TMEM260: variants seen among roughly 807,000 people sequenced by gnomAD.
The protein encoded by TMEM260 is transmembrane protein 260.
A neutral mutation model predicts 88.9 loss-of-function variants in TMEM260; 82 were observed. The observed-to-expected ratio is 0.92, with a 90% CI of 0.77 to 1.11. TMEM260 has a LOEUF of 1.11. Among genes scored for constraint, TMEM260 ranks in the 50% least tolerant of loss-of-function variants. The pLI, the probability that TMEM260 is intolerant of heterozygous loss-of-function variation, is 0.00. For missense variants in TMEM260, 902 were observed against 853.4 expected, an observed-to-expected ratio of 1.06 and a Z score of -0.71; for synonymous variants, 314 against 309.3, an observed-to-expected ratio of 1.02 and a Z score of -0.16.
the TMEM260 span, among the ~76,000 whole-genome samples, chr14:56,661,534 A>AGGAGGGAG: frequency 3.0e-4 from 32 of 107,876 alleles, no homozygotes; most frequent in African/African-American, 9.6e-4. Flanking sequence ...GAAGGAGGAA[A>AGGAGGGAG]GGAGGGAGGG....
intron 4 of TMEM260, 135 bp downstream of exon 4, chr14:56,604,127 A>G (rs1006851157): frequency 6.1e-6 from 5 of 824,570 alleles, no homozygotes; most frequent in Non-Finnish European, 8.6e-6. Flanking sequence ...TGAGAGAGAA[A>G]ATGATCTCAG....
intron 3 of TMEM260, among the ~76,000 whole-genome samples, chr14:56,597,033 G>A (rs377086563): frequency 2.6e-4 from 39 of 152,048 alleles, no homozygotes; most frequent in African/African-American, 8.9e-4. Flanking sequence ...AATTGGATGA[G>A]AACCTAGAGA....
At chr14:56,614,906 A>G (rs1455476303) in intron 7 of TMEM260, among the ~76,000 whole-genome samples, 1 of 152,264 alleles carries the variant, frequency 6.6e-6, no homozygotes, top group East Asian at 1.9e-4. Flanking sequence ...ACCCTTTTCC[A>G]GTCAAGCAAA....
intron 12 of TMEM260, among the ~76,000 whole-genome samples, chr14:56,631,494 G>A (rs563522431): frequency 2.6e-4 from 40 of 152,122 alleles, no homozygotes; most frequent in South Asian, 6.2e-4. Context: ...ATGGTGGTGC[G>A]TGCCTGTAAT....
Position 56,640,927 on chromosome 14 carries a change from C to T in TMEM260, c.1869+4329C>T, listed in dbSNP as rs557330943. Among the ~76,000 whole-genome samples the T allele has an allele frequency of 1.1e-4, 17 of 151,792 alleles. No homozygotes were observed. The South Asian group carries it at 2.1e-3, about 19-fold the overall frequency. ...GGACAATGAAATGAATGAAATGCAGCGAGAAGTTTAGAGAAAAAAGAATAA... is the reference window on the plus strand; with the variant it reads ...GGACAATGAAATGAATGAAATGCAGTGAGAAGTTTAGAGAAAAAAGAATAA... On this transcript the variant is annotated intron_variant, in intron 15 of 15. Transcript: ENST00000261556.
At chr14:56,586,021 A>T in intron 3 of TMEM260, 109 bp downstream of exon 3, 2 of 1,116,482 alleles carry the variant, frequency 1.8e-6, no homozygotes, top group Non-Finnish European at 2.5e-6. Flanking sequence ...TTTCCCTAAC[A>T]CATGTGATTT....
At chr14:56,582,901 G>GAA (rs1885230648) in intron 1 of TMEM260, among the ~76,000 whole-genome samples, 1 of 151,066 alleles carries the variant, frequency 6.6e-6, no homozygotes, top group Admixed American at 6.7e-5. Flanking sequence ...TTTAACATTT[G>GAA]ATAAGAATTG....
the TMEM260 span, among the ~76,000 whole-genome samples, chr14:56,657,768 A>G: frequency 6.6e-6 from 1 of 152,208 alleles, no homozygotes; most frequent in Non-Finnish European, 1.5e-5. Context: ...TTCTTGGGCT[A>G]TCTGGAGCTT....
chr14:56,625,484 G>A lies in TMEM260; in HGVS notation c.1501G>A (p.Gly501Arg). The part of the protein sequence containing the change: ...WNPVEGILPS[G>R]MVTFNLYHFL... Reference sequence around the variant, plus strand: ...TCCTGTGGAAGGAATATTACCTAGTGGAATGGTCACATTTAATCTTTATCA... The same window carrying A: ...TCCTGTGGAAGGAATATTACCTAGTAGAATGGTCACATTTAATCTTTATCA... Residue 501 changes from glycine (G) to arginine (R), a missense_variant, in exon 12 of 16, where the codon GGA becomes AGA. Coordinates refer to ENST00000261556, the MANE Select transcript of TMEM260 (RefSeq NM_017799.4). 1 of 1,610,286 alleles carries A rather than the reference G, an allele frequency of 6.2e-7. No homozygotes were observed. Among genetic ancestry groups the A allele is most frequent in the Non-Finnish European group, 8.5e-7 (1 of 1,176,810 alleles).
intron 5 of TMEM260, 65 bp downstream of exon 5, chr14:56,605,748 TCATGAGAAA>T: frequency 9.9e-7 from 1 of 1,005,806 alleles, no homozygotes; most frequent in Non-Finnish European, 1.5e-6. Context: ...AACATTTTTG[TCATGAGAAA>T]ATTTCAGGCT....
the TMEM260 span, among the ~76,000 whole-genome samples, chr14:56,659,843 G>T: frequency 1.3e-5 from 2 of 152,242 alleles, no homozygotes; most frequent in Non-Finnish European, 2.9e-5. Context: ...ATTCTTAGAA[G>T]ATGTGAAATT....
chr14:56,643,616 C>G (rs550962897), intron 15 of TMEM260, among the ~76,000 whole-genome samples: 2 of 152,294 alleles, frequency 1.3e-5, no homozygotes, highest in South Asian at 2.1e-4. Context: ...GGGATGCCCT[C>G]TCTCACCACT....
intron 15 of TMEM260, among the ~76,000 whole-genome samples, chr14:56,640,632 A>G (rs1048849322): frequency 6.6e-6 from 1 of 152,238 alleles, no homozygotes; most frequent in Non-Finnish European, 1.5e-5. Flanking sequence ...CAATGGAACA[A>G]AGCTGGACAG....
chr14:56,588,521 C>T (rs1885653103), intron 3 of TMEM260, among the ~76,000 whole-genome samples: 1 of 151,904 alleles, frequency 6.6e-6, no homozygotes, highest in South Asian at 2.1e-4. Context: ...CTTTCTCTTG[C>T]TTTTAAAAGC....
At chr14:56,600,172 G>A (rs140380607) in intron 3 of TMEM260, among the ~76,000 whole-genome samples, 1 of 152,238 alleles carries the variant, frequency 6.6e-6, no homozygotes, top group African/African-American at 2.4e-5. Flanking sequence ...ATTATTGTAC[G>A]AAAACATGAA....
intron 3 of TMEM260, among the ~76,000 whole-genome samples, chr14:56,589,763 G>A (rs1036652181): frequency 6.6e-6 from 1 of 151,978 alleles, no homozygotes; most frequent in Non-Finnish European, 1.5e-5. Context: ...TTTAAACATC[G>A]TGTTGCTGCT....
chr14:56,609,164 C>G lies in TMEM260; in HGVS notation c.695C>G (p.Pro232Arg). 1 of 1,614,116 alleles carries G rather than the reference C, an allele frequency of 6.2e-7. No homozygotes were observed. The highest frequency in any genetic ancestry group is 8.5e-7 in the Non-Finnish European group (1 of 1,180,016). Residue 232 changes from proline (P) to arginine (R), a missense_variant, in exon 6 of 16, where the codon CCC becomes CGC. By Grantham distance (103) the Pro-to-Arg change is moderately radical (BLOSUM62 -2). Coordinates refer to ENST00000261556, the MANE Select transcript of TMEM260 (RefSeq NM_017799.4). The part of the protein sequence containing the change: ...LSLYFSAGLL[P>R]YVHLPISSYL... ...CTGTACTTCTCTGCTGGTTTGCTGC[C>G]CTATGTCCACCTTCCCATCTCATCT...
At chr14:56,612,379 A>G (rs546832192) in intron 7 of TMEM260, 94 bp downstream of exon 7, 42 of 1,097,088 alleles carry the variant, frequency 3.8e-5, no homozygotes, top group Non-Finnish European at 1.7e-5. Flanking sequence ...TCTTTGTAAC[A>G]AAGTATGTCT....
At chr14:56,638,549 C>T (rs1445814646) in intron 15 of TMEM260, among the ~76,000 whole-genome samples, 2 of 152,038 alleles carry the variant, frequency 1.3e-5, no homozygotes, top group Admixed American at 1.3e-4. Flanking sequence ...CCCTTTGGGT[C>T]AGAGAGCTCT....
Sources: gnomAD v4.1 joint callset for allele counts (sites outside exome capture counted in the v4.1 genomes callset) on GRCh38, gnomAD v4.1.1 for gene constraint, MANE v1.5 for transcripts, NCBI Gene and HGNC (gene_info 2026-07-23, HGNC 2026-07-21) for gene names.